Variants in MGAT5 observed in about 807,000 individuals in gnomAD.
MGAT5 encodes alpha-1,6-mannosylglycoprotein 6-beta-N-acetylglucosaminyltransferase A.
MGAT5 carries 30 observed loss-of-function variants against 94.3 expected under a neutral mutation model. The ratio of observed to expected loss-of-function variants is 0.32; its 90% CI spans 0.24 to 0.43. The LOEUF (loss-of-function observed/expected upper bound fraction) is 0.43, where lower values mean the gene tolerates loss of function less well. Ranked by LOEUF, MGAT5 falls within the 20% of genes least tolerant of loss-of-function variation. The pLI is 1.00. For missense variants in MGAT5, 691 were observed against 905.5 expected (o/e 0.76, Z 3.04); for synonymous variants, 310 against 322.9 (o/e 0.96, Z 0.43).
chr2:134,333,472 A>G (rs918766820), intron 4 of MGAT5, among the ~76,000 whole-genome samples: 1 of 150,600 alleles, frequency 6.6e-6, no homozygotes, highest in Non-Finnish European at 1.5e-5. Flanking sequence ...ATTAGGAGAT[A>G]TATCTAATGC....
At chr2:134,412,066 T>C (rs1371699745) in intron 11 of MGAT5, among the ~76,000 whole-genome samples, 2 of 152,132 alleles carry the variant, frequency 1.3e-5, no homozygotes, top group Admixed American at 1.3e-4. Context: ...CTGTGAGCAG[T>C]TATTTCATTT....
intron 4 of MGAT5, among the ~76,000 whole-genome samples, chr2:134,333,947 T>A (rs1314633306): frequency 6.6e-6 from 1 of 152,180 alleles, no homozygotes; most frequent in African/African-American, 2.4e-5. Flanking sequence ...ATAATTTAAT[T>A]ATTTTGTTAA....
chr2:134,170,213 A>G (rs999070449), intron 1 of MGAT5, among the ~76,000 whole-genome samples: 32 of 152,390 alleles, frequency 2.1e-4, no homozygotes, highest in African/African-American at 7.5e-4. Flanking sequence ...ATTGTTTTCT[A>G]GAAACAAATC....
At chr2:134,411,112 C>G (rs1683627822) in intron 11 of MGAT5, among the ~76,000 whole-genome samples, 1 of 152,210 alleles carries the variant, frequency 6.6e-6, no homozygotes, top group Non-Finnish European at 1.5e-5. Context: ...TCCATTTCAT[C>G]TGCAGCAGTC....
intron 1 of MGAT5, among the ~76,000 whole-genome samples, chr2:134,151,875 C>G (rs1687208217): frequency 6.9e-6 from 1 of 145,022 alleles, no homozygotes; most frequent in Admixed American, 6.7e-5. Context: ...GGACCTCACT[C>G]ACGCCCTGTG....
intron 1 of MGAT5, among the ~76,000 whole-genome samples, chr2:134,155,643 G>A (rs1476310300): frequency 6.6e-6 from 1 of 152,076 alleles, no homozygotes; most frequent in Non-Finnish European, 1.5e-5. Flanking sequence ...TCCTTTTTAA[G>A]CTTAGATGCC....
intron 1 of MGAT5, among the ~76,000 whole-genome samples, chr2:134,226,932 T>C (rs1314681860): frequency 6.6e-6 from 1 of 150,798 alleles, no homozygotes; most frequent in African/African-American, 2.4e-5. Context: ...CGAAGTCTTC[T>C]CACAGGAAAA....
At chr2:134,283,583 C>T (rs1184291865) in intron 2 of MGAT5, among the ~76,000 whole-genome samples, 1 of 146,812 alleles carries the variant, frequency 6.8e-6, no homozygotes, top group Non-Finnish European at 1.5e-5. Flanking sequence ...TAGGGTTCAA[C>T]TTCTTGTCTG....
At chr2:134,130,329 C>T (rs911161480) in intron 1 of MGAT5, among the ~76,000 whole-genome samples, 1 of 151,362 alleles carries the variant, frequency 6.6e-6, no homozygotes, top group Non-Finnish European at 1.5e-5. Context: ...CCAGCCTCCC[C>T]TACGGGCACC....
At chr2:134,359,200 G>T (rs566233138) in intron 9 of MGAT5, among the ~76,000 whole-genome samples, 1 of 152,314 alleles carries the variant, frequency 6.6e-6, no homozygotes, top group African/African-American at 2.4e-5. Context: ...ATGTATTCTA[G>T]ATCACTCTTG....
At chr2:134,142,839 C>T (rs1686720587) in intron 1 of MGAT5, among the ~76,000 whole-genome samples, 1 of 152,116 alleles carries the variant, frequency 6.6e-6, no homozygotes, top group Non-Finnish European at 1.5e-5. Flanking sequence ...AGGCTGGTTT[C>T]AAACTCCTGG....
intron 1 of MGAT5, among the ~76,000 whole-genome samples, chr2:134,230,380 T>C (rs1424148799): frequency 6.6e-6 from 1 of 152,182 alleles, no homozygotes; most frequent in Non-Finnish European, 1.5e-5. Context: ...GCCTGGGGGT[T>C]GGGGACCCCT....
At chr2:134,283,187 G>T (rs1269001145) in intron 2 of MGAT5, among the ~76,000 whole-genome samples, 1 of 152,130 alleles carries the variant, frequency 6.6e-6, no homozygotes, top group East Asian at 1.9e-4. Context: ...TTCCACAGTG[G>T]TGCAACTGTG....
At chr2:134,122,841 A>AGGAGGGGT (rs1326749249) in intron 1 of MGAT5, among the ~76,000 whole-genome samples, 1 of 152,264 alleles carries the variant, frequency 6.6e-6, no homozygotes, top group Non-Finnish European at 1.5e-5. Context: ...CTGCAATGGC[A>AGGAGGGGT]GGAGGGGTGG....
At chr2:134,169,659 A>G (rs1409859894) in intron 1 of MGAT5, among the ~76,000 whole-genome samples, 1 of 152,228 alleles carries the variant, frequency 6.6e-6, no homozygotes, top group Admixed American at 6.5e-5. Context: ...GACTTCTTCA[A>G]TATTTTCTTT....
chr2:134,334,457 T>G (rs1220441496), intron 4 of MGAT5, among the ~76,000 whole-genome samples: 1 of 140,714 alleles, frequency 7.1e-6, no homozygotes, highest in African/African-American at 2.6e-5. Context: ...ATTTACTTGG[T>G]GTAAGGTGTA....
At position 134,362,370 on chromosome 2, in the gene MGAT5, C is replaced by T; in HGVS notation, c.1342C>T (p.Gln448Ter). Reference protein sequence around the residue: ...HHINEIKRQNQSLVYGKVDSF... With the variant: ...HHINEIKRQN ...CATTAATGAAATCAAAAGGCAGAAC[C>T]AGTCCCTTGTGTATGGCAAAGTGGA... The change falls in exon 10 of 16, where the codon CAG (glutamine) becomes TAG (stop). Residue 448 changes from glutamine to a stop codon, truncating the protein, a stop_gained. Coordinates refer to ENST00000281923, the MANE Select transcript of MGAT5 (RefSeq NM_002410.5). LOFTEE classifies it high-confidence loss of function. The T allele has an allele frequency of 6.2e-7, 1 of 1,614,124 alleles. No homozygotes were observed. The highest frequency in any genetic ancestry group is 8.5e-7 in the Non-Finnish European group (1 of 1,179,998).
At position 134,294,839 on chromosome 2, in the gene MGAT5, A is replaced by T. The variant is rs561154446; in HGVS notation, c.407-22690A>T. Reference sequence around the variant, plus strand: ...TACCTTTCTCAGCATTTCACAAGTTACTTCCTCTTTCCTTTGTTCTCCTCT... The same window carrying T: ...TACCTTTCTCAGCATTTCACAAGTTTCTTCCTCTTTCCTTTGTTCTCCTCT... On this transcript the variant is annotated intron_variant, in intron 2 of 15. Coordinates refer to ENST00000281923, the MANE Select transcript of MGAT5 (RefSeq NM_002410.5). Among the ~76,000 whole-genome samples, 9 of 152,300 alleles carry T rather than the reference A, an allele frequency of 5.9e-5. No homozygotes were observed. In the East Asian group the frequency reaches 7.7e-4, roughly 13 times the overall value.
chr2:134,389,997 C>G (rs1360129529), intron 10 of MGAT5, among the ~76,000 whole-genome samples: 1 of 152,158 alleles, frequency 6.6e-6, no homozygotes, highest in Non-Finnish European at 1.5e-5. Flanking sequence ...CCAATCCTTC[C>G]TGCAGTTTTT....
Sources: gnomAD v4.1 joint callset for allele counts (sites outside exome capture counted in the v4.1 genomes callset) on GRCh38, gnomAD v4.1.1 for gene constraint, MANE v1.5 for transcripts, NCBI Gene and HGNC (gene_info 2026-07-23, HGNC 2026-07-21) for gene names.